Variants in SLC26A9 observed in about 807,000 individuals in gnomAD.
SLC26A9 encodes the protein solute carrier family 26 member 9.
Under a neutral mutation model 87.1 loss-of-function variants are expected in SLC26A9, and 46 were observed. The observed-to-expected ratio is 0.53, with a 90% CI of 0.42 to 0.67. The LOEUF (loss-of-function observed/expected upper bound fraction) is 0.67. SLC26A9 is among the 30% of genes least tolerant of loss of function. The pLI, the probability that SLC26A9 is intolerant of heterozygous loss-of-function variation, is 0.00. For synonymous variants in SLC26A9, 437 were observed against 409.1 expected (o/e 1.07, Z -0.82); for missense variants, 927 against 1,018.3 (o/e 0.91, Z 1.22).
At chr1:205,919,084 C>G (rs1558119019) in intron 18 of SLC26A9, 99 bp from the exon 19 acceptor site, 1 of 1,465,018 alleles carries the variant, frequency 6.8e-7, no homozygotes, top group Non-Finnish European at 9.4e-7. Context: ...ATGGGAGAGG[C>G]CTGAGGTCCC....
At chr1:205,921,119 G>C (rs1658807983) in intron 17 of SLC26A9, among the ~76,000 whole-genome samples, 1 of 152,260 alleles carries the variant, frequency 6.6e-6, no homozygotes, top group East Asian at 1.9e-4. Flanking sequence ...TTCATTCAAG[G>C]TGTCCCGTGG....
chr1:205,914,693 C>T lies in SLC26A9; in HGVS notation c.*664G>A. On this transcript the variant is annotated 3_prime_UTR_variant, in exon 21 of 21. Transcript: ENST00000367135. ...CTGGTGGTCTCGACGGTCCTGGCCACTGTCCAGGCTAGAGTCTGATGTGCT... is the reference window on the plus strand; with the variant it reads ...CTGGTGGTCTCGACGGTCCTGGCCATTGTCCAGGCTAGAGTCTGATGTGCT... 1 of 625,666 alleles carries T rather than the reference C, an allele frequency of 1.6e-6. No homozygotes were observed. The highest frequency in any genetic ancestry group is 2.7e-6 in the Non-Finnish European group (1 of 375,166). 38.8% of individuals were successfully genotyped at this position (625,666 alleles called of 1,614,324 possible). A position where few individuals can be genotyped will look rare whatever the true frequency, so the allele number is the denominator to read the frequency against.
At position 205,923,195 on chromosome 1, in the gene SLC26A9, T is replaced by A. The variant is rs774271017; in HGVS notation, c.1660A>T (p.Thr554Ser). Reference sequence around the variant, plus strand: ...AATACTTTCTGGGGGTCCATGCCTGTCTGCAGGGAGAGAGCCAACAGCAAT... The same window carrying A: ...AATACTTTCTGGGGGTCCATGCCTGACTGCAGGGAGAGAGCCAACAGCAAT... Reference protein sequence around the residue: ...EIFRQKVIAKTGMDPQKVLLA... With the variant: ...EIFRQKVIAKSGMDPQKVLLA... The change falls in exon 16 of 21, where the codon ACA (threonine) becomes TCA (serine). Residue 554 changes from threonine (T) to serine (S), a missense_variant and splice_region_variant. Physicochemically the swap from Thr to Ser is moderately conservative, Grantham distance 58. Transcript: ENST00000367135. The A allele has an allele frequency of 1.2e-5, 20 of 1,614,006 alleles. No individual in the cohort carries two copies. The highest frequency in any genetic ancestry group is 1.4e-5 in the Non-Finnish European group (17 of 1,179,992).
chr1:205,928,466 A>G (rs1464135800), intron 8 of SLC26A9: 1 of 401,542 alleles, frequency 2.5e-6, no homozygotes, highest in Admixed American at 4.0e-5. Flanking sequence ...CACAGAGTGG[A>G]TGCTTCATGA....
chr1:205,935,161 T>G (rs1461739835), intron 2 of SLC26A9: 1 of 152,000 alleles, frequency 6.6e-6, no homozygotes, highest in Non-Finnish European at 1.5e-5. Flanking sequence ...GAGATGAGAG[T>G]GGAAAGACCC....
intron 11 of SLC26A9, among the ~76,000 whole-genome samples, 183 bp from the exon 12 acceptor site, chr1:205,926,813 G>T (rs1052602114): frequency 6.6e-6 from 1 of 152,164 alleles, no homozygotes; most frequent in African/African-American, 2.4e-5. Flanking sequence ...GAGCCATGGG[G>T]TCCTTCCTGG....
chr1:205,921,101 T>C (rs1658807023), intron 17 of SLC26A9, among the ~76,000 whole-genome samples: 1 of 152,248 alleles, frequency 6.6e-6, no homozygotes, highest in Admixed American at 6.5e-5. Flanking sequence ...AGTTATCAGA[T>C]GGATACATTC....
rs758396377 is a variant in SLC26A9 at position 205,923,524 on chromosome 1, C to T, written c.1566+20G>A. ...GTGGTGCAGAGCAAAAGAAGGAGGT[C>T]ATAAGCTTGAATTACCTACCCTATT... On this transcript the variant is annotated intron_variant, in intron 14 of 20. Coordinates refer to ENST00000367135, the MANE Select transcript of SLC26A9 (RefSeq NM_052934.4). The T allele has an allele frequency of 1.9e-6, 3 of 1,614,140 alleles. No individual in the cohort carries two copies. The highest frequency in any genetic ancestry group is 4.5e-5 in the East Asian group (2 of 44,890).
chr1:205,942,458 A>G (rs1394382779), intron 1 of SLC26A9, among the ~76,000 whole-genome samples: 2 of 152,216 alleles, frequency 1.3e-5, no homozygotes, highest in Non-Finnish European at 2.9e-5. Context: ...GCGTCACTCC[A>G]GGGTCTTCTG....
chr1:205,925,296 G>A lies in SLC26A9; in HGVS notation c.1390-807C>T, dbSNP rs77060238. ...AGGAGCTCAGCAGTGCTTTCTGATC[G>A]GCTGGGGGCCTGGTTTTGTGTGTGG... On this transcript the variant is annotated intron_variant, in intron 12 of 20. Transcript: ENST00000367135. Among the ~76,000 whole-genome samples, 1,109 of 152,276 alleles carry A rather than the reference G, an allele frequency of 7.3e-3. 2 individuals carry two copies. Among genetic ancestry groups the A allele is most frequent in the Non-Finnish European group, 0.01 (713 of 68,022 alleles).
intron 12 of SLC26A9, among the ~76,000 whole-genome samples, chr1:205,925,961 C>T (rs12567977): frequency 0.1 from 15,622 of 152,230 alleles, 1,477 homozygotes; most frequent in East Asian, 0.57. Context: ...GCGGTGTTTT[C>T]CCACTGGGAT....
At chr1:205,936,982 C>T (rs1488358034) in intron 1 of SLC26A9, among the ~76,000 whole-genome samples, 1 of 152,142 alleles carries the variant, frequency 6.6e-6, no homozygotes, top group Admixed American at 6.5e-5. Flanking sequence ...ACTTTTCAAA[C>T]CTCAGATTCT....
At chr1:205,933,136 C>T in intron 2 of SLC26A9, 52 bp from the exon 3 acceptor site, 1 of 1,610,224 alleles carries the variant, frequency 6.2e-7, no homozygotes, top group African/African-American at 1.3e-5. Context: ...CTTGGACATT[C>T]CGTGTTGGAG....
At chr1:205,919,356 T>C (rs995424360) in intron 18 of SLC26A9, among the ~76,000 whole-genome samples, 16 of 152,152 alleles carry the variant, frequency 1.1e-4, no homozygotes, top group African/African-American at 2.7e-4. Flanking sequence ...ATGTGTGGCA[T>C]TGGAAGTTTG....
At chr1:205,938,813 G>A (rs1390150648) in intron 1 of SLC26A9, among the ~76,000 whole-genome samples, 1 of 152,128 alleles carries the variant, frequency 6.6e-6, no homozygotes, top group African/African-American at 2.4e-5. Flanking sequence ...GGATCTCCAT[G>A]TGCACCCCTC....
rs996759313 is a variant in SLC26A9 at position 205,914,515 on chromosome 1, C to G, written c.*842G>C. On this transcript the variant is annotated 3_prime_UTR_variant, in exon 21 of 21. Coordinates refer to ENST00000367135, the MANE Select transcript of SLC26A9 (RefSeq NM_052934.4). ...AAGTTTTGTGCAGAATAACTGGTAT[C>G]TATTACTAGGATGCCAGATGATTCT... 6.3e-5 allele frequency: 14 copies of G among 220,730 alleles called. No homozygotes were observed. The highest frequency in any genetic ancestry group is 1.2e-4 in the Non-Finnish European group (13 of 110,494). 13.7% of individuals were successfully genotyped at this position (220,730 alleles called of 1,614,324 possible).
intron 1 of SLC26A9, among the ~76,000 whole-genome samples, chr1:205,937,190 A>G (rs1362844186): frequency 6.6e-6 from 1 of 151,462 alleles, no homozygotes; most frequent in African/African-American, 2.4e-5. Flanking sequence ...CCCAAGGTCC[A>G]CTTGAACTAC....
intron 18 of SLC26A9, among the ~76,000 whole-genome samples, 179 bp downstream of exon 18, chr1:205,919,997 A>G (rs1658757598): frequency 6.6e-6 from 1 of 152,138 alleles, no homozygotes; most frequent in Non-Finnish European, 1.5e-5. Context: ...TAGGATGTTT[A>G]TGCAATCTGA....
chr1:205,923,701 C>A, intron 13 of SLC26A9, 88 bp from the exon 14 acceptor site: 2 of 1,464,818 alleles, frequency 1.4e-6, no homozygotes, highest in Non-Finnish European at 9.5e-7. Flanking sequence ...GGGGCAGAGC[C>A]AAGGTAGGAT....
Sources: allele counts gnomAD v4.1 joint callset (sites outside exome capture counted in the v4.1 genomes callset), GRCh38; gene constraint gnomAD v4.1.1; transcripts MANE v1.5; gene names NCBI Gene and HGNC (gene_info 2026-07-23, HGNC 2026-07-21).